Variants in NCAM2 observed in about 807,000 individuals in gnomAD.
NCAM2 encodes N-CAM-2.
In NCAM2, 30 loss-of-function variants were observed where a neutral mutation model predicts 98.1. That is an observed-to-expected ratio of 0.31 (90% CI 0.23 to 0.41). The LOEUF is 0.41. Among genes scored for constraint, NCAM2 ranks in the 10% least tolerant of loss-of-function variants. The probability of loss-of-function intolerance (pLI) is 1.00; values close to 1 mark genes in which losing one functional copy is unlikely to be tolerated. For synonymous variants in NCAM2, 368 were observed against 342.4 expected, an observed-to-expected ratio of 1.07 and a Z score of -0.83; for missense variants, 867 against 1,005.8, an observed-to-expected ratio of 0.86 and a Z score of 1.87.
intron 16 of NCAM2, among the ~76,000 whole-genome samples, chr21:21,528,962 A>C (rs1400780719): frequency 1.3e-5 from 2 of 152,194 alleles, no homozygotes; most frequent in African/African-American, 4.8e-5. Context: ...ACCCTGGGAA[A>C]CAAATGGCAC....
chr21:21,151,415 T>C (rs981797763), intron 1 of NCAM2, among the ~76,000 whole-genome samples: 1 of 152,088 alleles, frequency 6.6e-6, no homozygotes, highest in Non-Finnish European at 1.5e-5. Flanking sequence ...TGTAGTGTAT[T>C]ATTAATGGTT....
chr21:21,429,545 T>C (rs529974188), intron 11 of NCAM2, among the ~76,000 whole-genome samples: 1 of 152,300 alleles, frequency 6.6e-6, no homozygotes, highest in Non-Finnish European at 1.5e-5. Context: ...TTTAAGGGGA[T>C]CCGTGTGCAT....
chr21:21,138,244 G>C (rs1372713370), intron 1 of NCAM2, among the ~76,000 whole-genome samples: 2 of 152,140 alleles, frequency 1.3e-5, no homozygotes, highest in Non-Finnish European at 2.9e-5. Context: ...GTCCTTACTA[G>C]TATGCCTTGA....
chr21:21,388,307 T>C (rs2076311691), intron 9 of NCAM2, among the ~76,000 whole-genome samples: 1 of 152,216 alleles, frequency 6.6e-6, no homozygotes, highest in African/African-American at 2.4e-5. Flanking sequence ...TTAATCCATA[T>C]CAGACATATA....
chr21:21,425,950 G>A (rs1381056549), intron 11 of NCAM2, among the ~76,000 whole-genome samples: 1 of 152,074 alleles, frequency 6.6e-6, no homozygotes, highest in Non-Finnish European at 1.5e-5. Context: ...TCTAGGGGCT[G>A]GGAAATTCAA....
intron 9 of NCAM2, among the ~76,000 whole-genome samples, chr21:21,383,326 G>T (rs1569002318): frequency 6.6e-6 from 1 of 152,034 alleles, no homozygotes; most frequent in African/African-American, 2.4e-5. Context: ...ATTTCTGTGG[G>T]TTTTTACACA....
chr21:21,301,537 C>T, intron 5 of NCAM2, among the ~76,000 whole-genome samples: 1 of 87,966 alleles, frequency 1.1e-5, no homozygotes, highest in African/African-American at 4.5e-5. Flanking sequence ...CCTCCCCCCT[C>T]CCCCCACCCC....
intron 1 of NCAM2, among the ~76,000 whole-genome samples, chr21:21,201,720 T>C (rs1010844245): frequency 3.3e-5 from 5 of 152,196 alleles, no homozygotes; most frequent in Non-Finnish European, 1.5e-5. Context: ...AAGCAGTGGT[T>C]CATTCCTAGC....
At chr21:21,320,206 A>G (rs546940938) in intron 5 of NCAM2, among the ~76,000 whole-genome samples, 1 of 152,324 alleles carries the variant, frequency 6.6e-6, no homozygotes, top group African/African-American at 2.4e-5. Context: ...TGCTCTATTG[A>G]TTAGATTTTG....
chr21:21,073,508 G>A (rs1473710127), intron 1 of NCAM2, among the ~76,000 whole-genome samples: 14 of 152,260 alleles, frequency 9.2e-5, no homozygotes, highest in South Asian at 4.1e-4. Context: ...ATTGCATCCT[G>A]TGTTATATCT....
intron 14 of NCAM2, among the ~76,000 whole-genome samples, chr21:21,469,523 C>T (rs1984155568): frequency 6.6e-6 from 1 of 151,884 alleles, no homozygotes; most frequent in Non-Finnish European, 1.5e-5. Flanking sequence ...GTTAAATTTT[C>T]TAAGATTCAT....
intron 12 of NCAM2, among the ~76,000 whole-genome samples, chr21:21,438,681 G>T (rs548857958): frequency 2.0e-5 from 3 of 152,102 alleles, no homozygotes; most frequent in Admixed American, 1.3e-4. Context: ...ATAATATTTT[G>T]TGGGTTTCAT....
In NCAM2 at chr21:21,159,962, C is replaced by T. The variant is rs60723290; in HGVS notation, c.56-120616C>T. 2.8e-3 allele frequency among the ~76,000 whole-genome samples: 420 copies of T among 152,100 alleles called. 2 individuals are homozygous for T. Among genetic ancestry groups the T allele is most frequent in the African/African-American group, 9.6e-3 (397 of 41,508 alleles). On this transcript the variant is annotated intron_variant, in intron 1 of 17. Coordinates refer to ENST00000400546, the MANE Select transcript of NCAM2 (RefSeq NM_004540.5). ...TACTGGGAAAGAAAGAGCCCCTAAA[C>T]TATAGAAATTTGTTATTGCCTGAGA...
At chr21:21,432,368 A>G (rs2077367019) in intron 12 of NCAM2, 87 bp downstream of exon 12, 6 of 1,218,240 alleles carry the variant, frequency 4.9e-6, no homozygotes, top group Non-Finnish European at 6.8e-6. Context: ...TTCCTCCAAC[A>G]TTTTCTTTTC....
intron 1 of NCAM2, among the ~76,000 whole-genome samples, chr21:21,084,494 G>C (rs541274274): frequency 6.6e-6 from 1 of 152,008 alleles, no homozygotes; most frequent in African/African-American, 2.4e-5. Flanking sequence ...TTACTTATCT[G>C]CCTACTATTT....
At chr21:21,274,994 A>G (rs2072668876) in intron 1 of NCAM2, among the ~76,000 whole-genome samples, 1 of 152,016 alleles carries the variant, frequency 6.6e-6, no homozygotes, top group South Asian at 2.1e-4. Context: ...TATTCATTAT[A>G]TTTATATTAC....
intron 1 of NCAM2, among the ~76,000 whole-genome samples, chr21:21,032,882 A>G (rs1056318103): frequency 2.6e-5 from 4 of 151,830 alleles, no homozygotes; most frequent in Non-Finnish European, 5.9e-5. Flanking sequence ...TTAGCAAAAT[A>G]CTCTGTTTTG....
At chr21:21,147,747 A>G (rs551171160) in intron 1 of NCAM2, among the ~76,000 whole-genome samples, 1 of 148,690 alleles carries the variant, frequency 6.7e-6, no homozygotes, top group South Asian at 2.1e-4. Context: ...ATAAAAGCGT[A>G]CATGTTTTTG....
chr21:21,466,916 GAA>G (rs1020169332), intron 13 of NCAM2, among the ~76,000 whole-genome samples, 191 bp downstream of exon 13: 1 of 151,622 alleles, frequency 6.6e-6, no homozygotes, highest in Non-Finnish European at 1.5e-5. Flanking sequence ...GAGCAAGGCA[GAA>G]AAAAAAGAGT....
Sources: allele counts gnomAD v4.1 joint callset (sites outside exome capture counted in the v4.1 genomes callset), GRCh38; gene constraint gnomAD v4.1.1; transcripts MANE v1.5; gene names NCBI Gene and HGNC (gene_info 2026-07-23, HGNC 2026-07-21).